DENND6A: variants seen among roughly 807,000 people sequenced by gnomAD.
The protein encoded by DENND6A is DENN domain containing 6A.
A neutral mutation model predicts 95.5 loss-of-function variants in DENND6A; 43 were observed. The ratio of observed to expected loss-of-function variants is 0.45; its 90% CI spans 0.35 to 0.58. The LOEUF (loss-of-function observed/expected upper bound fraction) is 0.58. DENND6A is among the 20% of genes least tolerant of loss of function. The probability of loss-of-function intolerance (pLI) is 0.00; values close to 1 mark genes in which losing one functional copy is unlikely to be tolerated. For synonymous variants in DENND6A, 257 were observed against 260.4 expected (o/e 0.99, Z 0.13); for missense variants, 574 against 736.0 (o/e 0.78, Z 2.55).
intron 9 of DENND6A, chr3:57,654,956 T>TTA: frequency 3.8e-6 from 1 of 262,384 alleles, no homozygotes; most frequent in Non-Finnish European, 5.9e-6. Flanking sequence ...AATCATTAGA[T>TTA]ATTAAATGCT....
intron 9 of DENND6A, among the ~76,000 whole-genome samples, chr3:57,649,530 T>TA (rs11373872): frequency 0.81 from 113,155 of 139,128 alleles, 45,294 homozygotes; most frequent in East Asian, 0.98. Flanking sequence ...AAGGAAGTCA[T>TA]AAAAAAAAAA....
rs1295948544 is a variant in DENND6A, at chr3:57,628,056, A to T, written c.*158T>A. 4.0e-6 allele frequency: 4 copies of T among 997,520 alleles called. No homozygotes were observed. Among genetic ancestry groups the T allele is most frequent in the East Asian group, 2.7e-5 (1 of 37,708 alleles). 61.8% of individuals were successfully genotyped at this position (997,520 alleles called of 1,614,324 possible). A position where few individuals can be genotyped will look rare whatever the true frequency, so the allele number is the denominator to read the frequency against. On this transcript the variant is annotated 3_prime_UTR_variant, in exon 20 of 20. Transcript: ENST00000311128. ...CACTTTAAAAAGTAATGCACTAAAA[A>T]GGTCTGTTTATACAATACAGTCTTT...
At chr3:57,657,608 A>AT (rs1479135020) in intron 9 of DENND6A, 72 bp downstream of exon 9, 3 of 1,024,336 alleles carry the variant, frequency 2.9e-6, no homozygotes, top group Non-Finnish European at 4.3e-6. Context: ...TATAATATTC[A>AT]TTTTTTAAAT....
intron 1 of DENND6A, among the ~76,000 whole-genome samples, chr3:57,676,038 A>C (rs1245172703): frequency 6.6e-6 from 1 of 151,022 alleles, no homozygotes; most frequent in Admixed American, 6.6e-5. Context: ...ATGCCACTCC[A>C]CTCCAGCCTG....
rs541866494 is a variant in DENND6A at position 57,653,678 on chromosome 3, G to A, written c.818+4002C>T. Among the ~76,000 whole-genome samples, 5 of 150,978 alleles carry A rather than the reference G, an allele frequency of 3.3e-5. No individual in the cohort carries two copies. In the East Asian group the frequency reaches 8.0e-4, roughly 24 times the overall value. ...GGAGAATTGCTTGAACCCAGGAGGC[G>A]GAGGTTGCAGTGAGCCGAGATCGCA... On this transcript the variant is annotated intron_variant, in intron 9 of 19. Transcript: ENST00000311128.
At chr3:57,640,675 C>T (rs913491930) in intron 12 of DENND6A, among the ~76,000 whole-genome samples, 2 of 152,126 alleles carry the variant, frequency 1.3e-5, no homozygotes, top group Non-Finnish European at 2.9e-5. Context: ...ATTGTCATGT[C>T]GGAGAGATGT....
intron 9 of DENND6A, among the ~76,000 whole-genome samples, chr3:57,656,682 C>A (rs1414186643): frequency 6.6e-6 from 1 of 152,034 alleles, no homozygotes; most frequent in African/African-American, 2.4e-5. Flanking sequence ...GTCAGCCAGG[C>A]GCAGTGGCTC....
intron 11 of DENND6A, among the ~76,000 whole-genome samples, chr3:57,644,706 G>GGAAAGACAGAAAGAAAAGGAAA (rs2071031425): frequency 2.6e-5 from 1 of 38,526 alleles, no homozygotes; most frequent in Non-Finnish European, 5.1e-5. Context: ...GAGGGGAGGG[G>GGAAAGACAGAAAGAAAAGGAAA]AGGGGAGAGG....
intron 9 of DENND6A, among the ~76,000 whole-genome samples, chr3:57,652,720 A>G (rs1307265678): frequency 2.0e-5 from 3 of 152,202 alleles, no homozygotes; most frequent in Non-Finnish European, 4.4e-5. Flanking sequence ...ATCATCAATA[A>G]CAAGTCAAGC....
intron 4 of DENND6A, among the ~76,000 whole-genome samples, chr3:57,663,938 T>C (rs908271533): frequency 1.3e-5 from 2 of 152,204 alleles, no homozygotes; most frequent in African/African-American, 4.8e-5. Context: ...ACATGGTCCA[T>C]ATGATGTGTG....
intron 12 of DENND6A, 152 bp from the exon 13 acceptor site, chr3:57,634,921 G>T: frequency 3.6e-6 from 2 of 554,810 alleles, no homozygotes; most frequent in Non-Finnish European, 5.7e-6. Context: ...GTTCATTCTT[G>T]GTATTTTAAA....
chr3:57,676,125 C>A (rs1008186335), intron 1 of DENND6A, among the ~76,000 whole-genome samples: 3 of 151,926 alleles, frequency 2.0e-5, no homozygotes, highest in African/African-American at 7.3e-5. Context: ...TACCTGTAAT[C>A]CTAACACTTT....
intron 1 of DENND6A, among the ~76,000 whole-genome samples, chr3:57,673,708 A>G (rs191359512): frequency 6.6e-6 from 1 of 152,262 alleles, no homozygotes; most frequent in East Asian, 1.9e-4. Flanking sequence ...ATGTGCAACT[A>G]TTATATATCC....
intron 9 of DENND6A, chr3:57,654,672 CTA>C (rs1355126548): frequency 1.0e-6 from 1 of 985,122 alleles, no homozygotes; most frequent in Non-Finnish European, 1.2e-6. Context: ...AATGAGGAAA[CTA>C]TTTCTGTGAT....
At chr3:57,638,156 ACTT>A (rs1379528003) in intron 12 of DENND6A, among the ~76,000 whole-genome samples, 1 of 151,976 alleles carries the variant, frequency 6.6e-6, no homozygotes, top group Non-Finnish European at 1.5e-5. Context: ...AATAAAATAA[ACTT>A]CTGTGCATCA....
chr3:57,642,341 T>C (rs1201554743), intron 11 of DENND6A, among the ~76,000 whole-genome samples: 1 of 131,478 alleles, frequency 7.6e-6, no homozygotes, highest in Non-Finnish European at 1.6e-5. Context: ...AAAAGCATAA[T>C]AATCACAAAG....
At position 57,668,392 on chromosome 3, in the gene DENND6A, GTTT is replaced by G. The variant is rs1319267908; in HGVS notation, c.320-2160_320-2158del. ...TTCAAACTCTCTCTACTAATGCTGA[GTTT>G]TTTTCTCTGGACATGTTTAAAATAC... On this transcript the variant is annotated intron_variant, in intron 3 of 19. Transcript: ENST00000311128. Among the ~76,000 whole-genome samples the G allele has an allele frequency of 6.6e-5, 10 of 152,254 alleles. No homozygotes were observed. The East Asian group carries it at 1.9e-3, about 29-fold the overall frequency.
At chr3:57,683,874 TAA>T (rs1170804174) in intron 1 of DENND6A, among the ~76,000 whole-genome samples, 5 of 152,012 alleles carry the variant, frequency 3.3e-5, no homozygotes, top group Non-Finnish European at 7.4e-5. Context: ...TTCCCTTATT[TAA>T]AAAGTGTTTA....
intron 1 of DENND6A, among the ~76,000 whole-genome samples, chr3:57,684,868 T>C (rs1385107465): frequency 6.6e-6 from 1 of 151,742 alleles, no homozygotes; most frequent in Non-Finnish European, 1.5e-5. Flanking sequence ...CTTTGGGAGG[T>C]GGAGGCAGGA....
Sources: allele counts gnomAD v4.1 joint callset (sites outside exome capture counted in the v4.1 genomes callset), GRCh38; gene constraint gnomAD v4.1.1; transcripts MANE v1.5; gene names NCBI Gene and HGNC (gene_info 2026-07-23, HGNC 2026-07-21).